The following TBC1D2 variants were observed in gnomAD, a reference collection of about 807,000 sequenced individuals.
TBC1D2 encodes TBC1 domain family member 2.
Under a neutral mutation model 91.1 loss-of-function variants are expected in TBC1D2, and 58 were observed. The ratio of observed to expected loss-of-function variants is 0.64; its 90% confidence interval spans 0.52 to 0.79. TBC1D2 has a LOEUF of 0.79. Ranked by LOEUF, TBC1D2 falls within the 30% of genes least tolerant of loss-of-function variation. TBC1D2 has a pLI of 0.00. For missense variants in TBC1D2, 1,080 were observed against 1,208.3 expected, an observed-to-expected ratio of 0.89 and a Z score of 1.57; for synonymous variants, 482 against 511.5, an observed-to-expected ratio of 0.94 and a Z score of 0.78.
chr9:98,213,057 C>G lies in TBC1D2; in HGVS notation c.1485+51G>C, dbSNP rs375251553. ...GAGACGGAGTGGGCAGCATGGGGAC[C>G]AGCAGAGGGGCCAGGGATGGAGACG... On this transcript the variant is annotated intron_variant, in intron 7 of 12. Transcript: ENST00000465784. 23 of 1,599,222 alleles carry G rather than the reference C, an allele frequency of 1.4e-5. No homozygotes were observed. The African/African-American group carries it at 2.7e-4, about 19-fold the overall frequency.
At position 98,208,621 on chromosome 9, in the gene TBC1D2, G is replaced by A. The variant is rs202144710; in HGVS notation, c.2150+47C>T. On this transcript the variant is annotated intron_variant, in intron 9 of 12. Transcript: ENST00000465784. ...CACAGTCTGAGGGTTGGGGACCTGCGCTCCAAAAGGTAAAGATCACACCTT... is the reference window on the plus strand; with the variant it reads ...CACAGTCTGAGGGTTGGGGACCTGCACTCCAAAAGGTAAAGATCACACCTT... The A allele has an allele frequency of 4.4e-4, 654 of 1,500,280 alleles. 1 individual carries two copies. The highest frequency in any genetic ancestry group is 5.5e-4 in the Non-Finnish European group (616 of 1,121,010). The allele number at this position is 1,500,280 out of a possible 1,614,324, so 92.9% of individuals were successfully genotyped here. A position where few individuals can be genotyped will look rare whatever the true frequency, so the allele number is the denominator to read the frequency against.
intron 12 of TBC1D2, 63 bp downstream of exon 12, chr9:98,200,190 C>T: frequency 6.2e-7 from 1 of 1,600,750 alleles, no homozygotes; most frequent in Non-Finnish European, 8.5e-7. Context: ...TCAGCCTCCC[C>T]TCTGCTATGT....
intron 5 of TBC1D2, among the ~76,000 whole-genome samples, chr9:98,224,310 TC>T (rs1198796363): frequency 7.6e-6 from 1 of 132,330 alleles, no homozygotes; most frequent in African/African-American, 2.9e-5. Context: ...TGAGACAGGG[TC>T]TCACTCTGTT....
chr9:98,247,042 C>T (rs1259724734), intron 2 of TBC1D2, among the ~76,000 whole-genome samples: 1 of 150,568 alleles, frequency 6.6e-6, no homozygotes, highest in Non-Finnish European at 1.5e-5. Context: ...AAAAAAAAAT[C>T]AAGGGCCGGG....
chr9:98,199,366 G>C lies in TBC1D2; in HGVS notation c.*15C>G, dbSNP rs1828418193. ...CCAAGGGTGAGGAAGGCTGTGGGGAGGGGAGGTGGCCAAGTCAGGCTTCCC... is the reference window on the plus strand; with the variant it reads ...CCAAGGGTGAGGAAGGCTGTGGGGACGGGAGGTGGCCAAGTCAGGCTTCCC... On this transcript the variant is annotated 3_prime_UTR_variant, in exon 13 of 13. Coordinates refer to ENST00000465784, the MANE Select transcript of TBC1D2 (RefSeq NM_001267571.2). The C allele has an allele frequency of 6.2e-7, 1 of 1,612,100 alleles. No homozygotes were observed. The highest frequency in any genetic ancestry group is 1.1e-5 in the South Asian group (1 of 90,990).
intron 1 of TBC1D2, among the ~76,000 whole-genome samples, chr9:98,253,764 TCAC>T (rs1372302919): frequency 1.3e-5 from 2 of 152,172 alleles, no homozygotes; most frequent in African/African-American, 2.4e-5. Flanking sequence ...ACTCCTCCTG[TCAC>T]CACACCTTCT....
At chr9:98,216,327 G>C (rs1564241528) in intron 6 of TBC1D2, among the ~76,000 whole-genome samples, 1 of 150,826 alleles carries the variant, frequency 6.6e-6, no homozygotes, top group Non-Finnish European at 1.5e-5. Flanking sequence ...CACCCCCTCA[G>C]TCGGCTCACA....
chr9:98,219,836 G>T (rs749781060), intron 6 of TBC1D2, among the ~76,000 whole-genome samples: 14 of 152,324 alleles, frequency 9.2e-5, no homozygotes, highest in Middle Eastern at 3.4e-3. Context: ...TACATATGTG[G>T]TTGTGAGTGG....
At position 98,228,917 on chromosome 9, in the gene TBC1D2, C is replaced by A. The variant is rs1231573072; in HGVS notation, c.978+35G>T. 2 of 1,600,960 alleles carry A rather than the reference C, an allele frequency of 1.2e-6. No individual in the cohort carries two copies. Among genetic ancestry groups the A allele is most frequent in the Non-Finnish European group, 1.7e-6 (2 of 1,171,576 alleles). ...AGGCTCCAGGAACTGGAGGGGTCCA[C>A]TGGAACCTGGGGCCTCCCTGGGACC... is the stretch of plus-strand genomic sequence containing the variant. On this transcript the variant is annotated intron_variant, in intron 5 of 12. Transcript: ENST00000465784. The surrounding 1 kb of genome is among the most constrained non-coding windows in gnomAD (Gnocchi z 4.0).
chr9:98,252,007 A>G, intron 1 of TBC1D2, 81 bp from the exon 2 acceptor site: 1 of 1,501,966 alleles, frequency 6.7e-7, no homozygotes. Flanking sequence ...AGGTTGTGGG[A>G]GGCTTAGGAA....
intron 2 of TBC1D2, among the ~76,000 whole-genome samples, chr9:98,249,280 G>C (rs1829825673): frequency 1.3e-5 from 2 of 152,172 alleles, no homozygotes; most frequent in Non-Finnish European, 2.9e-5. Flanking sequence ...CAGGAGACTA[G>C]AACCCAGGTC....
chr9:98,201,427 G>A (rs1828497571), intron 11 of TBC1D2, 52 bp downstream of exon 11: 7 of 1,544,188 alleles, frequency 4.5e-6, no homozygotes, highest in Non-Finnish European at 6.2e-6. Flanking sequence ...GACGCAGATG[G>A]GTGAAGGGAC....
At chr9:98,222,369 T>TAA (rs1462268129) in intron 5 of TBC1D2, among the ~76,000 whole-genome samples, 13 of 152,298 alleles carry the variant, frequency 8.5e-5, no homozygotes, top group African/African-American at 3.1e-4. Flanking sequence ...AATCCCCATG[T>TAA]AAAGCCACAC....
Position 98,229,079 on chromosome 9 carries a change from G to A in TBC1D2, c.851C>T (p.Ala284Val). The stretch of plus-strand genomic sequence containing the variant: ...TGGGAAGGTGTTGTTCTGGCGCTTG[G>A]CTTTCTGAGCGAAACTGATGGTCAG... ...PSLTISFAQK[A>V]KRQNNTFPFF... The change falls in exon 5 of 13, where the codon GCC (alanine) becomes GTC (valine). Residue 284 changes from alanine to valine, a missense_variant. Physicochemically the swap from Ala to Val is moderately conservative, Grantham distance 64. Transcript: ENST00000465784. 6.2e-7 allele frequency: 1 copy of A among 1,614,250 alleles called. No homozygotes were observed. Among genetic ancestry groups the A allele is most frequent in the Non-Finnish European group, 8.5e-7 (1 of 1,180,048 alleles).
chr9:98,201,423 GA>G (rs768083057), intron 11 of TBC1D2, 55 bp downstream of exon 11: 1,046 of 1,526,548 alleles, frequency 6.9e-4, no homozygotes, highest in Non-Finnish European at 9.0e-4. Context: ...TCAAGACGCA[GA>G]TGGGTGAAGG....
chr9:98,252,790 G>C lies in TBC1D2; in HGVS notation c.370-864C>G, dbSNP rs887929802. 2.6e-5 allele frequency among the ~76,000 whole-genome samples: 4 copies of C among 152,140 alleles called. No individual in the cohort carries two copies. The East Asian group carries it at 7.7e-4, about 29-fold the overall frequency. On this transcript the variant is annotated intron_variant, in intron 1 of 12. Coordinates refer to ENST00000465784, the MANE Select transcript of TBC1D2 (RefSeq NM_001267571.2). ...GACTGCAGAAGATGAACAGCTCACCGGGCGTGGATGGGGATTCTCAGAGAG... is the reference window on the plus strand; with the variant it reads ...GACTGCAGAAGATGAACAGCTCACCCGGCGTGGATGGGGATTCTCAGAGAG...
In TBC1D2 at chr9:98,221,086, C is replaced by A. The variant is rs903083472; in HGVS notation, c.1121G>T (p.Arg374Leu). The A allele has an allele frequency of 6.2e-7, 1 of 1,608,844 alleles. No individual in the cohort carries two copies. The highest frequency in any genetic ancestry group is 8.5e-7 in the Non-Finnish European group (1 of 1,178,200). Residue 374 changes from arginine to leucine, a missense_variant, in exon 6 of 13, where the codon CGG becomes CTG. Coordinates refer to ENST00000465784, the MANE Select transcript of TBC1D2 (RefSeq NM_001267571.2). ...HKVRQIAELGRRVEALEQERE... is the reference protein window; with the variant it reads ...HKVRQIAELGLRVEALEQERE... ...CTCCTGCTCCAGGGCCTCCACCCGCCGGCCCAGCTCCGCGATCTGCCGCAC... is the reference window on the plus strand; with the variant it reads ...CTCCTGCTCCAGGGCCTCCACCCGCAGGCCCAGCTCCGCGATCTGCCGCAC...
rs750400901 is a variant in TBC1D2, at chr9:98,210,781, C to T, written c.1548G>A (p.Arg516=). 5 of 1,557,376 alleles carry T rather than the reference C, an allele frequency of 3.2e-6. No individual in the cohort carries two copies. The East Asian group carries it at 1.2e-4, about 38-fold the overall frequency. Reference sequence around the variant, plus strand: ...CTTCGTCCCCCAGGGCCTCCTGCAGCCTTCTCAGACCGGCCAGGTACTTGC... The same window carrying T: ...CTTCGTCCCCCAGGGCCTCCTGCAGTCTTCTCAGACCGGCCAGGTACTTGC... ...VESKYLAGLR[R]LQEALGDEAS... The change falls in exon 8 of 13, where the codon AGG becomes AGA. Residue 516 remains arginine, a synonymous_variant. Transcript: ENST00000465784.
intron 6 of TBC1D2, among the ~76,000 whole-genome samples, chr9:98,214,798 G>A (rs1272376912): frequency 2.0e-5 from 3 of 152,126 alleles, no homozygotes; most frequent in Non-Finnish European, 2.9e-5. Context: ...GCTGCCCTCC[G>A]CCCAGAGCCT....
Sources: gnomAD v4.1 joint callset for allele counts (sites outside exome capture counted in the v4.1 genomes callset) on GRCh38, gnomAD v4.1.1 for gene constraint, Gnocchi (gnomAD v3.1) non-coding constraint, MANE v1.5 for transcripts, NCBI Gene and HGNC (gene_info 2026-07-23, HGNC 2026-07-21) for gene names.